Variants in GRK3 observed in about 807,000 individuals in gnomAD.
The protein encoded by GRK3 is G protein-coupled receptor kinase 3, also known as adrenergic, beta, receptor kinase 2.
In GRK3, 54 loss-of-function variants were observed where a neutral mutation model predicts 95.7. The observed-to-expected ratio is 0.56, with a 90% confidence interval of 0.45 to 0.71. The LOEUF (loss-of-function observed/expected upper bound fraction) is 0.71. GRK3 is among the 30% of genes least tolerant of loss of function. GRK3 has a pLI of 0.00. For synonymous variants in GRK3, 281 were observed against 290.8 expected (o/e 0.97, Z 0.34); for missense variants, 649 against 851.2 (o/e 0.76, Z 2.96).
In GRK3 at chr22:25,624,845, A is replaced by G. The variant is rs192331391; in HGVS notation, c.191-19747A>G. ...TAACTTTCTGTTTCCGCACACAATG[A>G]TTTTAACTGCCATTAGTATCAAACT... On this transcript the variant is annotated intron_variant, in intron 2 of 20. Coordinates refer to ENST00000324198, the MANE Select transcript of GRK3 (RefSeq NM_005160.4). Among the ~76,000 whole-genome samples, 230 of 151,910 alleles carry G rather than the reference A, an allele frequency of 1.5e-3. 3 individuals carry two copies. Among genetic ancestry groups the G allele is most frequent in the African/African-American group, 4.9e-3 (205 of 41,420 alleles).
chr22:25,601,775 T>G (rs1301665660), intron 1 of GRK3, among the ~76,000 whole-genome samples: 1 of 152,096 alleles, frequency 6.6e-6, no homozygotes, highest in East Asian at 1.9e-4. Context: ...AATGAAATAT[T>G]ATACAGAAAA....
intron 1 of GRK3, among the ~76,000 whole-genome samples, chr22:25,591,651 T>C (rs952630250): frequency 1.3e-5 from 2 of 152,156 alleles, no homozygotes; most frequent in African/African-American, 4.8e-5. Context: ...GAGCTCTGTG[T>C]CAGGAACCAG....
chr22:25,584,325 T>C (rs1467767406), intron 1 of GRK3, among the ~76,000 whole-genome samples: 1 of 152,276 alleles, frequency 6.6e-6, no homozygotes, highest in Non-Finnish European at 1.5e-5. Flanking sequence ...AGATGAAATC[T>C]TGCACCATTC....
At chr22:25,587,132 C>T (rs1932340158) in intron 1 of GRK3, among the ~76,000 whole-genome samples, 1 of 152,140 alleles carries the variant, frequency 6.6e-6, no homozygotes, top group African/African-American at 2.4e-5. Context: ...CTCAGGTGAT[C>T]CCCCTGCCTC....
chr22:25,588,697 T>C (rs761682956), intron 1 of GRK3, among the ~76,000 whole-genome samples: 3 of 152,204 alleles, frequency 2.0e-5, no homozygotes, highest in African/African-American at 4.8e-5. Flanking sequence ...TGTGTGGTCA[T>C]TAAAAAGAAT....
At chr22:25,698,173 AGAGG>A (rs1353010268) in intron 13 of GRK3, among the ~76,000 whole-genome samples, 3 of 136,184 alleles carry the variant, frequency 2.2e-5, no homozygotes, top group Non-Finnish European at 3.1e-5. Context: ...AGAGAGGAAG[AGAGG>A]GAGGGAGAAA....
chr22:25,583,575 G>A (rs1396859255), intron 1 of GRK3, among the ~76,000 whole-genome samples: 2 of 152,038 alleles, frequency 1.3e-5, no homozygotes, highest in African/African-American at 4.8e-5. Flanking sequence ...CACCCCCTCT[G>A]GACATGGGCT....
At chr22:25,635,597 C>G (rs1338633894) in intron 2 of GRK3, among the ~76,000 whole-genome samples, 1 of 152,072 alleles carries the variant, frequency 6.6e-6, no homozygotes, top group East Asian at 1.9e-4. Flanking sequence ...CTTTCTTGAC[C>G]TTAACATTTG....
At chr22:25,591,284 G>A (rs1182418362) in intron 1 of GRK3, among the ~76,000 whole-genome samples, 1 of 152,182 alleles carries the variant, frequency 6.6e-6, no homozygotes, top group African/African-American at 2.4e-5. Context: ...GTCTTGCAGG[G>A]AGGGGTAGAG....
At chr22:25,636,923 T>C (rs1320986945) in intron 2 of GRK3, among the ~76,000 whole-genome samples, 3 of 152,242 alleles carry the variant, frequency 2.0e-5, no homozygotes, top group Non-Finnish European at 4.4e-5. Flanking sequence ...CCCAGATAGC[T>C]GGTAAAACAT....
At chr22:25,677,517 T>C (rs967804656) in intron 8 of GRK3, among the ~76,000 whole-genome samples, 3 of 151,776 alleles carry the variant, frequency 2.0e-5, no homozygotes, top group African/African-American at 7.3e-5. Context: ...GAAGAACATA[T>C]CACTTCATGT....
rs377045117 is a variant in GRK3, at chr22:25,675,678, C to T, written c.647+1150C>T. ...GGCCCCCTAATTCAGTGCCTGCCTC[C>T]GGTCAGCCTCTGCTCAGGCACTTCC... On this transcript the variant is annotated intron_variant, in intron 8 of 20. Transcript: ENST00000324198. Among the ~76,000 whole-genome samples, 49 of 152,288 alleles carry T rather than the reference C, an allele frequency of 3.2e-4. No individual in the cohort carries two copies. In the East Asian group the frequency reaches 6.2e-3, roughly 19 times the overall value.
intron 2 of GRK3, among the ~76,000 whole-genome samples, chr22:25,623,270 G>C (rs2084600313): frequency 6.6e-6 from 1 of 152,176 alleles, no homozygotes; most frequent in Non-Finnish European, 1.5e-5. Context: ...CAAAACTATA[G>C]AAGGAGAGGA....
chr22:25,678,253 G>T (rs2065521823), intron 8 of GRK3, among the ~76,000 whole-genome samples: 1 of 152,114 alleles, frequency 6.6e-6, no homozygotes, highest in African/African-American at 2.4e-5. Flanking sequence ...AGGAGATCGA[G>T]ACCATCCTGG....
At chr22:25,709,284 G>A (rs370156066) in intron 15 of GRK3, among the ~76,000 whole-genome samples, 25 of 151,424 alleles carry the variant, frequency 1.7e-4, no homozygotes, top group African/African-American at 5.1e-4. Context: ...TGATCTGCCC[G>A]CCTCAGCCTC....
At chr22:25,681,403 G>T (rs183426078) in intron 9 of GRK3, among the ~76,000 whole-genome samples, 2 of 152,266 alleles carry the variant, frequency 1.3e-5, no homozygotes, top group African/African-American at 2.4e-5. Flanking sequence ...CCTTTCTGAA[G>T]TTGGGGGTTA....
intron 5 of GRK3, among the ~76,000 whole-genome samples, chr22:25,666,532 A>G (rs904360443): frequency 6.6e-6 from 1 of 152,188 alleles, no homozygotes; most frequent in Non-Finnish European, 1.5e-5. Flanking sequence ...TGCCTTCCCC[A>G]GGACAGGGAT....
intron 1 of GRK3, among the ~76,000 whole-genome samples, chr22:25,592,601 G>A (rs1046030070): frequency 2.0e-5 from 3 of 151,808 alleles, no homozygotes; most frequent in African/African-American, 7.3e-5. Flanking sequence ...TATAGTTTTA[G>A]GCTTTATATT....
At chr22:25,628,811 A>C (rs940882138) in intron 2 of GRK3, among the ~76,000 whole-genome samples, 15 of 152,158 alleles carry the variant, frequency 9.9e-5, no homozygotes, top group African/African-American at 2.7e-4. Flanking sequence ...GCTTTTCTCC[A>C]TGCACTTCCA....
Sources: gnomAD v4.1 joint callset for allele counts (sites outside exome capture counted in the v4.1 genomes callset) on GRCh38, gnomAD v4.1.1 for gene constraint, MANE v1.5 for transcripts, NCBI Gene and HGNC (gene_info 2026-07-23, HGNC 2026-07-21) for gene names.